CSMD1: variants seen among roughly 807,000 people sequenced by gnomAD.
The protein encoded by CSMD1 is CUB and sushi domain-containing protein 1.
In CSMD1, 213 loss-of-function variants were observed where a neutral mutation model predicts 417.5. The ratio of observed to expected loss-of-function variants is 0.51; its 90% CI spans 0.46 to 0.57. The LOEUF (loss-of-function observed/expected upper bound fraction) is 0.57, where lower values mean the gene tolerates loss of function less well. Among genes scored for constraint, CSMD1 ranks in the 20% least tolerant of loss-of-function variants. The pLI is 0.00. For missense variants in CSMD1, 6,923 were observed against 4,529.7 expected (o/e 1.53, Z -15.17); for synonymous variants, 2,862 against 1,736.8 (o/e 1.65, Z -16.11).
chr8:4,586,051 AT>A (rs2130714709), intron 2 of CSMD1, among the ~76,000 whole-genome samples: 1 of 152,340 alleles, frequency 6.6e-6, no homozygotes, highest in African/African-American at 2.4e-5. Flanking sequence ...GGTTGTACGT[AT>A]ACATGGAGTA....
At chr8:3,717,188 T>C (rs1039750347) in intron 6 of CSMD1, among the ~76,000 whole-genome samples, 5 of 152,220 alleles carry the variant, frequency 3.3e-5, no homozygotes, top group South Asian at 2.1e-4. Flanking sequence ...CATTTTTTCA[T>C]TGATAATTAT....
At chr8:3,701,543 A>C (rs1800870227) in intron 7 of CSMD1, among the ~76,000 whole-genome samples, 1 of 151,990 alleles carries the variant, frequency 6.6e-6, no homozygotes, top group Non-Finnish European at 1.5e-5. Flanking sequence ...GAATTTAACG[A>C]TTAAGAGAAG....
rs530974583 is a variant in CSMD1 at position 3,077,452 on chromosome 8, A to G, written c.7474+9645T>C. Reference sequence around the variant, plus strand: ...GCATCGATGTGGTCTACATGGACATAAACACCTGCCTTCCAGCCTCAGAGC... The same window carrying G: ...GCATCGATGTGGTCTACATGGACATGAACACCTGCCTTCCAGCCTCAGAGC... On this transcript the variant is annotated intron_variant, in intron 49 of 69. Coordinates refer to ENST00000635120, the MANE Select transcript of CSMD1 (RefSeq NM_033225.6). 2.6e-4 allele frequency among the ~76,000 whole-genome samples: 40 copies of G among 152,322 alleles called. No homozygotes were observed. The South Asian group carries it at 7.7e-3, about 29-fold the overall frequency.
intron 2 of CSMD1, among the ~76,000 whole-genome samples, chr8:4,456,075 A>T (rs1482317553): frequency 6.6e-6 from 1 of 150,538 alleles, no homozygotes; most frequent in Non-Finnish European, 1.5e-5. Flanking sequence ...AAAAAAAAAA[A>T]AAAAAAATGT....
intron 9 of CSMD1, among the ~76,000 whole-genome samples, chr8:3,584,529 G>A (rs989650380): frequency 1.5e-5 from 2 of 131,434 alleles, no homozygotes; most frequent in Non-Finnish European, 3.6e-5. Flanking sequence ...TAAGTGATAA[G>A]CACCTCTGAG....
intron 1 of CSMD1, among the ~76,000 whole-genome samples, chr8:4,859,934 C>G (rs1410844560): frequency 6.6e-6 from 1 of 152,116 alleles, no homozygotes; most frequent in Non-Finnish European, 1.5e-5. Flanking sequence ...GATTATAAAT[C>G]ATGCTGCTAT....
At chr8:2,938,955 G>A (rs1008398148) in intron 69 of CSMD1, among the ~76,000 whole-genome samples, 1 of 152,066 alleles carries the variant, frequency 6.6e-6, no homozygotes, top group African/African-American at 2.4e-5. Flanking sequence ...AAAGTGAATC[G>A]ATTTCAAAAA....
At chr8:3,775,820 T>C (rs956582164) in intron 5 of CSMD1, among the ~76,000 whole-genome samples, 6 of 152,222 alleles carry the variant, frequency 3.9e-5, no homozygotes, top group Non-Finnish European at 1.5e-5. Context: ...TGGGGTCCAT[T>C]GCTTTCCGCC....
intron 1 of CSMD1, among the ~76,000 whole-genome samples, chr8:4,902,015 C>A (rs1479246530): frequency 6.6e-6 from 1 of 152,166 alleles, no homozygotes; most frequent in Non-Finnish European, 1.5e-5. Context: ...TAAGGAAATG[C>A]AGCTATGATG....
At chr8:3,609,556 C>T (rs925724030) in intron 8 of CSMD1, among the ~76,000 whole-genome samples, 7 of 152,120 alleles carry the variant, frequency 4.6e-5, no homozygotes, top group African/African-American at 1.2e-4. Flanking sequence ...CAGAATAATA[C>T]TATAAATGAA....
chr8:3,942,559 C>G (rs1466005271), intron 5 of CSMD1, among the ~76,000 whole-genome samples: 2 of 152,144 alleles, frequency 1.3e-5, no homozygotes, highest in Non-Finnish European at 2.9e-5. Flanking sequence ...AAAATGTGCT[C>G]AGTTCAGCTT....
chr8:3,014,254 C>CA (rs143882023), intron 52 of CSMD1, among the ~76,000 whole-genome samples: 15,229 of 150,232 alleles, frequency 0.1, 2,245 homozygotes, highest in African/African-American at 0.33. Flanking sequence ...CAATATTAAA[C>CA]AAAAAAAAAT....
Position 4,435,786 on chromosome 8 carries a change from G to C in CSMD1, c.303-15721C>G, listed in dbSNP as rs1001774696. 5.9e-5 allele frequency among the ~76,000 whole-genome samples: 9 copies of C among 152,176 alleles called. 1 individual carries two copies. In the South Asian group the frequency reaches 1.9e-3, roughly 31 times the overall value. On this transcript the variant is annotated intron_variant, in intron 2 of 69. Coordinates refer to ENST00000635120, the MANE Select transcript of CSMD1 (RefSeq NM_033225.6). ...TACCATACCTTTGACAGCTAAACAA[G>C]ACAATAGAAGACAGACCGTGTCCCG...
chr8:3,639,881 G>C (rs1048313156), intron 7 of CSMD1, among the ~76,000 whole-genome samples: 5 of 152,164 alleles, frequency 3.3e-5, no homozygotes, highest in Non-Finnish European at 5.9e-5. Flanking sequence ...GATATGTTCA[G>C]AGAATATTTG....
intron 3 of CSMD1, among the ~76,000 whole-genome samples, chr8:4,064,500 G>A (rs975750013): frequency 6.6e-6 from 1 of 152,210 alleles, no homozygotes; most frequent in Admixed American, 6.5e-5. Flanking sequence ...GCCTGCAAAT[G>A]TGAGGCAGGG....
intron 25 of CSMD1, among the ~76,000 whole-genome samples, chr8:3,295,605 C>G (rs530929109): frequency 5.3e-5 from 8 of 152,184 alleles, no homozygotes; most frequent in African/African-American, 1.4e-4. Flanking sequence ...TGTACTGATG[C>G]AAGGATCTTT....
At chr8:4,130,631 C>T (rs1273925061) in intron 3 of CSMD1, among the ~76,000 whole-genome samples, 5 of 151,970 alleles carry the variant, frequency 3.3e-5, no homozygotes, top group Non-Finnish European at 2.9e-5. Context: ...TTTAATTTGT[C>T]CTTGTGAACT....
At chr8:4,932,606 C>A (rs902639825) in intron 1 of CSMD1, among the ~76,000 whole-genome samples, 1 of 152,118 alleles carries the variant, frequency 6.6e-6, no homozygotes, top group African/African-American at 2.4e-5. Context: ...GGCAAATAGA[C>A]CCAACAGGGT....
chr8:4,131,012 A>G (rs936587332), intron 3 of CSMD1, among the ~76,000 whole-genome samples: 29 of 152,290 alleles, frequency 1.9e-4, no homozygotes, highest in African/African-American at 7.0e-4. Context: ...GGAATCTAGC[A>G]TTAATGACTC....
Sources: gnomAD v4.1 joint callset for allele counts (sites outside exome capture counted in the v4.1 genomes callset) on GRCh38, gnomAD v4.1.1 for gene constraint, MANE v1.5 for transcripts, NCBI Gene and HGNC (gene_info 2026-07-23, HGNC 2026-07-21) for gene names.